SAMMSON: variants seen among roughly 807,000 people sequenced by gnomAD.
SAMMSON encodes the protein survival associated mitochondrial melanoma specific oncogenic non-coding RNA, also known as long intergenic non-protein coding RNA 1212.
At chr3:70,197,096 T>C (rs1701189204) in intron 4 of SAMMSON, 1 of 398,410 alleles carries the variant, frequency 2.5e-6, no homozygotes, top group South Asian at 1.3e-4. Context: ...CACATTTTGG[T>C]ACACACCGTT....
intron 3 of SAMMSON, among the ~76,000 whole-genome samples, chr3:70,017,789 A>G (rs556022644): frequency 6.6e-6 from 1 of 152,330 alleles, no homozygotes; most frequent in African/African-American, 2.4e-5. Flanking sequence ...AGGTTTTAGC[A>G]TGAAGCGTTG....
intron 9 of SAMMSON, among the ~76,000 whole-genome samples, chr3:70,364,684 A>G (rs1702906218): frequency 6.6e-6 from 1 of 151,862 alleles, no homozygotes; most frequent in Non-Finnish European, 1.5e-5. Context: ...TTTTTCTTGC[A>G]TTAAATCTTT....
intron 4 of SAMMSON, among the ~76,000 whole-genome samples, chr3:70,072,844 G>C (rs1202300411): frequency 6.6e-6 from 1 of 151,900 alleles, no homozygotes; most frequent in Non-Finnish European, 1.5e-5. Context: ...TGGAGCAAAT[G>C]TTTACAGATT....
chr3:70,187,928 A>G (rs1415231883), intron 4 of SAMMSON, among the ~76,000 whole-genome samples: 1 of 151,990 alleles, frequency 6.6e-6, no homozygotes, highest in African/African-American at 2.4e-5. Context: ...GTCTCCCTAT[A>G]AAAAGAGGCC....
chr3:70,114,587 A>G, intron 4 of SAMMSON, among the ~76,000 whole-genome samples: 1 of 152,346 alleles, frequency 6.6e-6, no homozygotes, highest in South Asian at 2.1e-4. Flanking sequence ...CAGTGCTTAT[A>G]TTTTACTGCA....
chr3:70,118,445 C>T (rs1467184613), intron 4 of SAMMSON, among the ~76,000 whole-genome samples: 1 of 152,024 alleles, frequency 6.6e-6, no homozygotes, highest in East Asian at 1.9e-4. Flanking sequence ...TTATTTTGCA[C>T]CCAAAATGTG....
At chr3:70,258,529 G>C (rs961699358) in intron 6 of SAMMSON, among the ~76,000 whole-genome samples, 2 of 152,120 alleles carry the variant, frequency 1.3e-5, no homozygotes, top group African/African-American at 4.8e-5. Flanking sequence ...TGAGCTAGTA[G>C]AGTCTCATTT....
At chr3:70,289,068 T>C (rs1422539191) in intron 6 of SAMMSON, among the ~76,000 whole-genome samples, 1 of 152,182 alleles carries the variant, frequency 6.6e-6, no homozygotes, top group African/African-American at 2.4e-5. Flanking sequence ...CATTTAAAGT[T>C]AATAGTGTTA....
At chr3:70,070,348 G>A (rs943053914) in intron 3 of SAMMSON, 2 of 151,826 alleles carry the variant, frequency 1.3e-5, no homozygotes, top group African/African-American at 4.8e-5. Flanking sequence ...CTATTGTTTT[G>A]TATAGTTCTT....
intron 6 of SAMMSON, among the ~76,000 whole-genome samples, chr3:70,284,295 C>G (rs968740502): frequency 6.6e-6 from 1 of 152,160 alleles, no homozygotes; most frequent in African/African-American, 2.4e-5. Flanking sequence ...CTGTAAACTG[C>G]TCTACAATTT....
intron 7 of SAMMSON, among the ~76,000 whole-genome samples, chr3:70,293,278 A>T (rs1445535732): frequency 6.6e-6 from 1 of 152,088 alleles, no homozygotes; most frequent in East Asian, 1.9e-4. Flanking sequence ...ATTACAAAGA[A>T]AAACAATTAC....
At chr3:70,370,762 C>T (rs1702962482) in intron 9 of SAMMSON, among the ~76,000 whole-genome samples, 1 of 151,912 alleles carries the variant, frequency 6.6e-6, no homozygotes, top group African/African-American at 2.4e-5. Flanking sequence ...TTTCATTCAA[C>T]AGGTTGTGTC....
intron 7 of SAMMSON, among the ~76,000 whole-genome samples, chr3:70,304,550 C>T (rs1575621140): frequency 1.3e-5 from 2 of 152,160 alleles, no homozygotes; most frequent in Middle Eastern, 3.2e-3. Context: ...AGCCGGGGGT[C>T]AGCCTTTGAT....
At chr3:70,212,554 A>G (rs1242939618) in intron 4 of SAMMSON, among the ~76,000 whole-genome samples, 4 of 151,890 alleles carry the variant, frequency 2.6e-5, no homozygotes, top group Admixed American at 6.6e-5. Flanking sequence ...TTTCATTTCC[A>G]TTACTGCCAC....
At position 70,025,490 on chromosome 3, in the gene SAMMSON, G is replaced by A. The variant is rs184468537; in HGVS notation, n.417+11818G>A. 2.0e-5 allele frequency among the ~76,000 whole-genome samples: 3 copies of A among 152,222 alleles called. No individual in the cohort carries two copies. The East Asian group carries it at 5.8e-4, about 29-fold the overall frequency. ...ACTCCTGACCTCAGGTGATCCACCC[G>A]CCTCGGCCTCCCAAAGTGCTGGGAT... On this transcript the variant is annotated intron_variant and non_coding_transcript_variant, in intron 3 of 9. Transcript: ENST00000642114.
At chr3:70,335,178 A>G (rs1413254208) in intron 7 of SAMMSON, among the ~76,000 whole-genome samples, 1 of 151,968 alleles carries the variant, frequency 6.6e-6, no homozygotes, top group African/African-American at 2.4e-5. Flanking sequence ...AATTAATGCT[A>G]TTTTCTCACC....
intron 4 of SAMMSON, among the ~76,000 whole-genome samples, chr3:70,127,533 C>T (rs557159987): frequency 2.6e-5 from 4 of 152,170 alleles, no homozygotes; most frequent in Admixed American, 6.5e-5. Context: ...CTCATGTCTT[C>T]GAAAAATTTA....
At chr3:70,087,440 G>C (rs77924458) in intron 4 of SAMMSON, among the ~76,000 whole-genome samples, 1,787 of 152,212 alleles carry the variant, frequency 0.012, 37 homozygotes, top group African/African-American at 0.041. Context: ...CTTTTTCTCT[G>C]TATGCACATT....
chr3:70,290,346 G>C (rs1268691935), intron 6 of SAMMSON, among the ~76,000 whole-genome samples: 2 of 152,134 alleles, frequency 1.3e-5, no homozygotes, highest in African/African-American at 2.4e-5. Context: ...GCCCCTGTTG[G>C]GGGGTGCCTC....
Sources: allele counts gnomAD v4.1 joint callset (sites outside exome capture counted in the v4.1 genomes callset), GRCh38; gene constraint gnomAD v4.1.1; transcripts MANE v1.5; gene names NCBI Gene and HGNC (gene_info 2026-07-23, HGNC 2026-07-21).